GRID2: variants seen among roughly 807,000 people sequenced by gnomAD.
GRID2 encodes glutamate receptor ionotropic, delta-2.
A neutral mutation model predicts 114.8 loss-of-function variants in GRID2; 33 were observed. The observed-to-expected ratio is 0.29, with a 90% CI of 0.22 to 0.38. GRID2 has a LOEUF of 0.38. Among genes scored for constraint, GRID2 ranks in the 10% least tolerant of loss-of-function variants. The pLI is 1.00. For missense variants in GRID2, 1,184 were observed against 1,257.7 expected (o/e 0.94, Z 0.89); for synonymous variants, 505 against 449.9 (o/e 1.12, Z -1.55).
chr4:92,988,013 ATTAT>A (rs763349780), intron 2 of GRID2, among the ~76,000 whole-genome samples: 64 of 152,280 alleles, frequency 4.2e-4, no homozygotes, highest in African/African-American at 8.4e-4. Context: ...GATCAATTCA[ATTAT>A]TTATTTATTC....
chr4:92,791,531 T>G, intron 2 of GRID2, among the ~76,000 whole-genome samples: 1 of 151,884 alleles, frequency 6.6e-6, no homozygotes, highest in African/African-American at 2.4e-5. Context: ...AATTATACAG[T>G]GCTAACTTCC....
intron 1 of GRID2, among the ~76,000 whole-genome samples, chr4:92,441,666 A>T (rs1322478816): frequency 2.0e-5 from 3 of 152,256 alleles, no homozygotes; most frequent in East Asian, 3.9e-4. Flanking sequence ...CAGGCGAGTG[A>T]TAACAGGCTT....
intron 9 of GRID2, among the ~76,000 whole-genome samples, chr4:93,420,966 G>A (rs1376867727): frequency 6.6e-6 from 1 of 152,152 alleles, no homozygotes; most frequent in South Asian, 2.1e-4. Context: ...TGTTAGCCAG[G>A]ATGGTCTCAA....
At chr4:93,776,290 G>A (rs1429081599), downstream of GRID2, among the ~76,000 whole-genome samples, 1 of 152,096 alleles carries the variant, frequency 6.6e-6, no homozygotes, top group Non-Finnish European at 1.5e-5. Flanking sequence ...ATGAAATTTG[G>A]TAGACACTCT....
At chr4:92,766,925 A>G (rs1330405450) in intron 2 of GRID2, among the ~76,000 whole-genome samples, 1 of 152,216 alleles carries the variant, frequency 6.6e-6, no homozygotes, top group African/African-American at 2.4e-5. Flanking sequence ...AGTAGAAGGG[A>G]ACCCAGGTGA....
intron 8 of GRID2, among the ~76,000 whole-genome samples, chr4:93,393,808 T>G (rs984639151): frequency 5.3e-5 from 8 of 152,040 alleles, no homozygotes; most frequent in Non-Finnish European, 1.2e-4. Flanking sequence ...TAGATGTCAT[T>G]TATTTACACA....
intron 10 of GRID2, among the ~76,000 whole-genome samples, chr4:93,429,584 C>T (rs1355251673): frequency 2.0e-5 from 3 of 152,150 alleles, no homozygotes; most frequent in Non-Finnish European, 2.9e-5. Context: ...TAAATCTCTT[C>T]ATGCTAACTG....
chr4:92,570,335 A>G (rs1727548214), intron 1 of GRID2, among the ~76,000 whole-genome samples: 1 of 152,136 alleles, frequency 6.6e-6, no homozygotes, highest in African/African-American at 2.4e-5. Context: ...CTATACCAGT[A>G]CCATGCTGTT....
At chr4:93,515,492 T>C (rs1421601280) in intron 13 of GRID2, 81 bp downstream of exon 13, 1 of 963,250 alleles carries the variant, frequency 1.0e-6, no homozygotes, top group Admixed American at 2.3e-5. Context: ...TTTGTTTTTT[T>C]TGTTTTGTTT....
intron 2 of GRID2, among the ~76,000 whole-genome samples, chr4:92,846,223 A>G (rs984308597): frequency 6.6e-6 from 1 of 152,074 alleles, no homozygotes; most frequent in African/African-American, 2.4e-5. Flanking sequence ...TACATGGTAT[A>G]TCGTGTGATG....
At chr4:92,465,531 A>C (rs1721712443) in intron 1 of GRID2, among the ~76,000 whole-genome samples, 1 of 152,144 alleles carries the variant, frequency 6.6e-6, no homozygotes, top group African/African-American at 2.4e-5. Flanking sequence ...AGCAATAAAA[A>C]ACTAGTAGAA....
At chr4:93,013,417 A>C (rs1038382338) in intron 2 of GRID2, among the ~76,000 whole-genome samples, 3 of 152,082 alleles carry the variant, frequency 2.0e-5, no homozygotes, top group South Asian at 4.1e-4. Flanking sequence ...GAACTTCTTA[A>C]AGATTTCAAA....
At chr4:93,704,155 C>A (rs1475803192) in intron 14 of GRID2, among the ~76,000 whole-genome samples, 1 of 152,132 alleles carries the variant, frequency 6.6e-6, no homozygotes, top group Non-Finnish European at 1.5e-5. Context: ...TCTCCAGCAC[C>A]TGTTGTTTCC....
At chr4:92,959,405 AT>A (rs749965402) in intron 2 of GRID2, among the ~76,000 whole-genome samples, 12 of 148,882 alleles carry the variant, frequency 8.1e-5, no homozygotes, top group Middle Eastern at 3.5e-3. Flanking sequence ...ATGTAGTTCA[AT>A]TTTTTTTTTA....
chr4:92,472,437 T>C (rs1232984735), intron 1 of GRID2, among the ~76,000 whole-genome samples: 1 of 152,162 alleles, frequency 6.6e-6, no homozygotes, highest in Admixed American at 6.5e-5. Flanking sequence ...AAATTTTGGG[T>C]AAATACCTAG....
chr4:93,478,876 A>G (rs1465726058), intron 11 of GRID2, among the ~76,000 whole-genome samples: 1 of 152,080 alleles, frequency 6.6e-6, no homozygotes, highest in East Asian at 1.9e-4. Flanking sequence ...TACATGATCT[A>G]ATGTCTTGTA....
In GRID2 at chr4:92,748,657, T is replaced by C. The variant is rs983551484; in HGVS notation, c.244+158371T>C. Among the ~76,000 whole-genome samples, 4 of 147,414 alleles carry C rather than the reference T, an allele frequency of 2.7e-5. No homozygotes were observed. The Admixed American group carries it at 2.7e-4, about 10-fold the overall frequency. On this transcript the variant is annotated intron_variant, in intron 2 of 15. Transcript: ENST00000282020. ...GTATTATTATTATTATTATTATTAT[T>C]ATTATTATTATTATTATTATTTGAG... is the stretch of plus-strand genomic sequence containing the variant.
intron 1 of GRID2, among the ~76,000 whole-genome samples, chr4:92,328,595 AT>A (rs1218296837): frequency 6.6e-6 from 1 of 151,668 alleles, no homozygotes; most frequent in Non-Finnish European, 1.5e-5. Context: ...TTAAACTTGT[AT>A]TTTTCCCTGG....
intron 8 of GRID2, among the ~76,000 whole-genome samples, chr4:93,307,545 C>T (rs983128610): frequency 1.3e-5 from 2 of 152,092 alleles, no homozygotes; most frequent in Non-Finnish European, 2.9e-5. Context: ...TGATTCTTCC[C>T]AGACTCCTCC....
Sources: allele counts gnomAD v4.1 joint callset (sites outside exome capture counted in the v4.1 genomes callset), GRCh38; gene constraint gnomAD v4.1.1; transcripts MANE v1.5; gene names NCBI Gene and HGNC (gene_info 2026-07-23, HGNC 2026-07-21).